MYO3B: variants seen among roughly 807,000 people sequenced by gnomAD.
MYO3B encodes the protein myosin-IIIb.
A neutral mutation model predicts 174.6 loss-of-function variants in MYO3B; 156 were observed. The observed-to-expected ratio is 0.89, with a 90% CI of 0.78 to 1.02. The LOEUF is 1.02. Ranked by LOEUF, MYO3B falls within the 50% of genes least tolerant of loss-of-function variation. MYO3B has a pLI of 0.00. For synonymous variants in MYO3B, 563 were observed against 569.1 expected (o/e 0.99, Z 0.15); for missense variants, 1,632 against 1,639.4 (o/e 1.00, Z 0.08).
At chr2:170,651,505 T>C in intron 32 of MYO3B, 123 bp from the exon 33 acceptor site, 1 of 728,962 alleles carries the variant, frequency 1.4e-6, no homozygotes, top group South Asian at 1.7e-5. Flanking sequence ...TTAGTAAAGC[T>C]TTTAATATGC....
chr2:170,499,871 A>T, intron 27 of MYO3B, 63 bp downstream of exon 27: 1 of 1,486,350 alleles, frequency 6.7e-7, no homozygotes, highest in Non-Finnish European at 9.2e-7. Flanking sequence ...GTACTGGGGA[A>T]TACTCAACTG....
intron 32 of MYO3B, among the ~76,000 whole-genome samples, chr2:170,559,197 A>G (rs1383280633): frequency 6.6e-6 from 1 of 152,184 alleles, no homozygotes; most frequent in Non-Finnish European, 1.5e-5. Context: ...TTAGGGAGAC[A>G]TAGAGTCAGT....
chr2:170,530,360 G>A (rs1198052659), intron 30 of MYO3B, among the ~76,000 whole-genome samples: 1 of 152,212 alleles, frequency 6.6e-6, no homozygotes, highest in Non-Finnish European at 1.5e-5. Flanking sequence ...CTCTGATCCA[G>A]ACCCTCCCGG....
At chr2:170,331,548 C>A (rs1276606513) in intron 7 of MYO3B, among the ~76,000 whole-genome samples, 1 of 151,982 alleles carries the variant, frequency 6.6e-6, no homozygotes, top group Non-Finnish European at 1.5e-5. Context: ...ACCGTCATAA[C>A]AAATCACCAC....
chr2:170,574,051 A>G (rs1317429171), intron 32 of MYO3B, among the ~76,000 whole-genome samples: 16 of 152,168 alleles, frequency 1.1e-4, no homozygotes, highest in Non-Finnish European at 1.5e-5. Context: ...CAGCAGCTCA[A>G]AGGAAACAAA....
intron 28 of MYO3B, among the ~76,000 whole-genome samples, chr2:170,505,174 T>C (rs1490989874): frequency 6.6e-6 from 1 of 151,406 alleles, no homozygotes; most frequent in African/African-American, 2.4e-5. Flanking sequence ...AGGGCCTTTA[T>C]GAGATGTAGG....
chr2:170,368,747 T>C (rs1047422034), intron 8 of MYO3B, among the ~76,000 whole-genome samples: 1 of 152,188 alleles, frequency 6.6e-6, no homozygotes, highest in Admixed American at 6.5e-5. Context: ...TATGATTAGT[T>C]TTTTTCCTTT....
intron 1 of MYO3B, among the ~76,000 whole-genome samples, chr2:170,184,677 G>C (rs183481026): frequency 2.6e-4 from 40 of 152,240 alleles, no homozygotes; most frequent in African/African-American, 9.1e-4. Flanking sequence ...TCAATATACT[G>C]ATAACATTTC....
intron 32 of MYO3B, among the ~76,000 whole-genome samples, chr2:170,604,903 C>A (rs1249281974): frequency 6.6e-6 from 1 of 152,194 alleles, no homozygotes. Flanking sequence ...AACTCAGTCA[C>A]TTCCAGGATT....
intron 32 of MYO3B, among the ~76,000 whole-genome samples, chr2:170,552,959 A>G (rs1037221250): frequency 6.6e-6 from 1 of 152,190 alleles, no homozygotes; most frequent in Non-Finnish European, 1.5e-5. Context: ...TTCAAGCCCC[A>G]AGCCTTGGTG....
In MYO3B at chr2:170,602,057, C is replaced by A. The variant is rs1385610786; in HGVS notation, c.3734-49571C>A. ...ACCTTTGCCATATCTTCAAATTTTC[C>A]TTTATCTTTAGCAGACATGGCCTTC... is the stretch of plus-strand genomic sequence containing the variant. On this transcript the variant is annotated intron_variant, in intron 32 of 34. Transcript: ENST00000408978. The A allele has an allele frequency of 1.4e-5, 14 of 971,846 alleles. No individual in the cohort carries two copies. In the Admixed American group the frequency reaches 2.4e-4, roughly 16 times the overall value. The allele number at this position is 971,846 out of a possible 1,614,324, so 60.2% of individuals were successfully genotyped here.
chr2:170,580,553 G>A (rs1192194519), intron 32 of MYO3B, among the ~76,000 whole-genome samples: 1 of 152,284 alleles, frequency 6.6e-6, no homozygotes, highest in African/African-American at 2.4e-5. Context: ...CAGGAGAATC[G>A]CTTGAACCTG....
At chr2:170,437,066 AGGT>A (rs746431237) in intron 22 of MYO3B, among the ~76,000 whole-genome samples, 4 of 152,194 alleles carry the variant, frequency 2.6e-5, no homozygotes, top group Non-Finnish European at 5.9e-5. Context: ...GGAGGAAAAC[AGGT>A]GGTACTGTTT....
At position 170,214,423 on chromosome 2, in the gene MYO3B, C is replaced by G. The variant is rs767508093; in HGVS notation, c.366C>G (p.Leu122=). The G allele has an allele frequency of 6.2e-7, 1 of 1,614,170 alleles. No individual in the cohort carries two copies. Among genetic ancestry groups the G allele is most frequent in the East Asian group, 2.2e-5 (1 of 44,886 alleles). The change falls in exon 4 of 35, where the codon CTC becomes CTG. Residue 122 remains leucine (L), a synonymous_variant. Transcript: ENST00000408978. ...TCACTGAGCTTGTCAAAGGTCTACT[C>G]AGATGTGGCCAGCGGTTGGATGAAG... ...GSVTELVKGL[L]RCGQRLDEAM...
intron 25 of MYO3B, among the ~76,000 whole-genome samples, chr2:170,475,394 G>A (rs1047615992): frequency 2.0e-5 from 3 of 152,136 alleles, no homozygotes; most frequent in Admixed American, 1.3e-4. Flanking sequence ...AAGACTACAT[G>A]TGCAAACCAC....
At chr2:170,622,786 T>TGTTCAATTC (rs1696047876) in intron 32 of MYO3B, among the ~76,000 whole-genome samples, 1 of 145,658 alleles carries the variant, frequency 6.9e-6, no homozygotes, top group Non-Finnish European at 1.5e-5. Flanking sequence ...GGTGTTCTCA[T>TGTTCAATTC]TGTTCAATTC....
At chr2:170,498,479 C>G in intron 25 of MYO3B, 113 bp from the exon 26 acceptor site, 1 of 697,060 alleles carries the variant, frequency 1.4e-6, no homozygotes, top group Non-Finnish European at 2.5e-6. Flanking sequence ...ATTATTGGTG[C>G]TCGACAAATA....
chr2:170,330,168 A>G (rs2093901852), intron 7 of MYO3B, among the ~76,000 whole-genome samples: 1 of 152,136 alleles, frequency 6.6e-6, no homozygotes, highest in Non-Finnish European at 1.5e-5. Flanking sequence ...CACAACTTTC[A>G]GGAAGCCCTT....
chr2:170,203,837 T>G (rs2092689365), intron 3 of MYO3B, among the ~76,000 whole-genome samples: 1 of 152,078 alleles, frequency 6.6e-6, no homozygotes, highest in Admixed American at 6.6e-5. Flanking sequence ...GGAGCCTGGA[T>G]GAAGGCACAG....
Sources: gnomAD v4.1 joint callset for allele counts (sites outside exome capture counted in the v4.1 genomes callset) on GRCh38, gnomAD v4.1.1 for gene constraint, MANE v1.5 for transcripts, NCBI Gene and HGNC (gene_info 2026-07-23, HGNC 2026-07-21) for gene names.